VGLL3: variants seen among roughly 807,000 people sequenced by gnomAD.
VGLL3 encodes transcription cofactor vestigial-like protein 3.
A neutral mutation model predicts 29.2 loss-of-function variants in VGLL3; 18 were observed. That is an observed-to-expected ratio of 0.62 (90% CI 0.43 to 0.91). VGLL3 has a LOEUF of 0.91. VGLL3 is among the 40% of genes least tolerant of loss of function. The pLI, the probability that VGLL3 is intolerant of heterozygous loss-of-function variation, is 0.00. For missense variants in VGLL3, 440 were observed against 413.2 expected (o/e 1.06, Z -0.56); for synonymous variants, 180 against 151.8 (o/e 1.19, Z -1.36).
chr3:86,952,083 T>A (rs1444985813), intron 3 of VGLL3, among the ~76,000 whole-genome samples: 5 of 152,136 alleles, frequency 3.3e-5, no homozygotes, highest in African/African-American at 1.2e-4. Flanking sequence ...ACTGGACAGT[T>A]TTTAACTTGG....
At position 86,940,643 on chromosome 3, in the gene VGLL3, T is replaced by G. The variant is rs1704375886; in HGVS notation, c.*6381A>C. 6.6e-6 allele frequency: 1 copy of G among 152,448 alleles called. No homozygotes were observed. The highest frequency in any genetic ancestry group is 6.5e-5 in the Admixed American group (1 of 15,274). 9.4% of individuals were successfully genotyped at this position (152,448 alleles called of 1,614,324 possible). ...TTAAAATACAAACATTCAATTCACATTAAATTATTTATTGAACAAATTGAA... is the reference window on the plus strand; with the variant it reads ...TTAAAATACAAACATTCAATTCACAGTAAATTATTTATTGAACAAATTGAA... On this transcript the variant is annotated 3_prime_UTR_variant, in exon 4 of 4. Coordinates refer to ENST00000398399, the MANE Select transcript of VGLL3 (RefSeq NM_016206.4).
At chr3:86,988,311 T>C (rs1705493776) in intron 1 of VGLL3, among the ~76,000 whole-genome samples, 1 of 152,044 alleles carries the variant, frequency 6.6e-6, no homozygotes, top group African/African-American at 2.4e-5. Context: ...CCAGGCAAGA[T>C]GCTATTAGGG....
In VGLL3 at chr3:86,944,343, TC is replaced by T. The variant is rs1184267197; in HGVS notation, c.*2680del. ...AAGCTGCAAACTCAAACTCCCAGGC[TC>T]AAACGTTCCTCCGGACTCAGCCTCC... is the stretch of plus-strand genomic sequence containing the variant. On this transcript the variant is annotated 3_prime_UTR_variant, in exon 4 of 4. Coordinates refer to ENST00000398399, the MANE Select transcript of VGLL3 (RefSeq NM_016206.4). The T allele has an allele frequency of 6.6e-6, 1 of 152,496 alleles. No homozygotes were observed. The highest frequency in any genetic ancestry group is 2.4e-5 in the African/African-American group (1 of 41,450). 9.4% of individuals were successfully genotyped at this position (152,496 alleles called of 1,614,324 possible). A position where few individuals can be genotyped will look rare whatever the true frequency, so the allele number is the denominator to read the frequency against.
chr3:86,938,926 C>T lies in VGLL3; in HGVS notation c.*8098G>A, dbSNP rs1704332900. 6.6e-6 allele frequency: 1 copy of T among 152,148 alleles called. No individual in the cohort carries two copies. The highest frequency in any genetic ancestry group is 2.1e-4 in the South Asian group (1 of 4,832). 9.4% of individuals were successfully genotyped at this position (152,148 alleles called of 1,614,324 possible). ...TAAGTTCCCAAAAAAGGAAGCAAAA[C>T]AATTAAATCCTACTTGGTTGTCCCC... On this transcript the variant is annotated 3_prime_UTR_variant, in exon 4 of 4. Transcript: ENST00000398399.
At position 86,991,010 on chromosome 3, in the gene VGLL3, G is replaced by T. The variant is rs1705575840; in HGVS notation, c.-267C>A. 3 of 874,456 alleles carry T rather than the reference G, an allele frequency of 3.4e-6. No individual in the cohort carries two copies. The highest frequency in any genetic ancestry group is 1.4e-6 in the Non-Finnish European group (1 of 721,292). 54.2% of individuals were successfully genotyped at this position (874,456 alleles called of 1,614,324 possible). On this transcript the variant is annotated 5_prime_UTR_variant, in exon 1 of 4. Transcript: ENST00000398399. ...CGCGCTTATATAGCGGCTCAGGGAC[G>T]CAGCCGCCCGCTGCGCCGCTGGGGC...
intron 1 of VGLL3, among the ~76,000 whole-genome samples, chr3:86,986,616 G>T (rs1705447663): frequency 6.6e-6 from 1 of 152,106 alleles, no homozygotes; most frequent in African/African-American, 2.4e-5. Context: ...ACAGTTGCAA[G>T]AAAAATAGAT....
At chr3:86,953,218 TCAGA>T (rs1704649585) in intron 3 of VGLL3, among the ~76,000 whole-genome samples, 1 of 152,186 alleles carries the variant, frequency 6.6e-6, no homozygotes, top group Non-Finnish European at 1.5e-5. Context: ...TCACCTATCA[TCAGA>T]CAATTTGCTA....
chr3:86,945,682 A>C lies in VGLL3; in HGVS notation c.*1342T>G, dbSNP rs761807146. The C allele has an allele frequency of 1.4e-4, 21 of 152,308 alleles. No homozygotes were observed. The highest frequency in any genetic ancestry group is 2.6e-4 in the Non-Finnish European group (18 of 68,002). 9.4% of individuals were successfully genotyped at this position (152,308 alleles called of 1,614,324 possible). A position where few individuals can be genotyped will look rare whatever the true frequency, so the allele number is the denominator to read the frequency against. ...AATTTTTAATTTTTAGCCCAATTTA[A>C]ATTGTATATAACCTCTGGTTTTATT... On this transcript the variant is annotated 3_prime_UTR_variant, in exon 4 of 4. Transcript: ENST00000398399.
At chr3:86,975,368 A>G (rs1394080799) in intron 2 of VGLL3, among the ~76,000 whole-genome samples, 1 of 152,202 alleles carries the variant, frequency 6.6e-6, no homozygotes, top group Admixed American at 6.5e-5. Context: ...CAAGTTTTAT[A>G]TATTTATCTA....
At chr3:86,982,961 G>C (rs976111575) in intron 1 of VGLL3, among the ~76,000 whole-genome samples, 1 of 152,156 alleles carries the variant, frequency 6.6e-6, no homozygotes, top group Admixed American at 6.5e-5. Flanking sequence ...GTTCGCTTGG[G>C]CAGTACAGAC....
At chr3:86,952,307 A>T (rs1483688331) in intron 3 of VGLL3, among the ~76,000 whole-genome samples, 2 of 152,218 alleles carry the variant, frequency 1.3e-5, no homozygotes, top group Non-Finnish European at 2.9e-5. Context: ...AAAACGTTAC[A>T]CTAATATACA....
intron 1 of VGLL3, among the ~76,000 whole-genome samples, chr3:86,983,222 A>T (rs1189410917): frequency 6.6e-6 from 1 of 152,222 alleles, no homozygotes; most frequent in African/African-American, 2.4e-5. Context: ...AAACAGATTT[A>T]AAAATAAAAT....
At chr3:86,962,654 G>T (rs1704876980) in intron 3 of VGLL3, 1 of 888,386 alleles carries the variant, frequency 1.1e-6, no homozygotes, top group South Asian at 5.2e-5. Flanking sequence ...AAAAAGTGAG[G>T]TTCTCTTAAC....
intron 3 of VGLL3, among the ~76,000 whole-genome samples, chr3:86,967,709 T>C (rs904073314): frequency 5.3e-5 from 8 of 152,182 alleles, no homozygotes; most frequent in Non-Finnish European, 7.3e-5. Flanking sequence ...GACCCACTAC[T>C]TTGGACTCCA....
At chr3:86,982,464 T>TA (rs1705347129) in intron 1 of VGLL3, among the ~76,000 whole-genome samples, 1 of 151,766 alleles carries the variant, frequency 6.6e-6, no homozygotes, top group South Asian at 2.1e-4. Context: ...TTTTTTTTTT[T>TA]AACTAAGTAT....
rs1403829955 is a variant in VGLL3, at chr3:86,962,202, T to C, written c.937+6388A>G. The C allele has an allele frequency of 7.1e-6, 7 of 985,448 alleles. No individual in the cohort carries two copies. In the East Asian group the frequency reaches 5.7e-4, roughly 80 times the overall value. 61.0% of individuals were successfully genotyped at this position (985,448 alleles called of 1,614,324 possible). Reference sequence around the variant, plus strand: ...GTGGAGGGCAAATACAAATGACTTATGATCATACCATACTGATCATTTCAA... The same window carrying C: ...GTGGAGGGCAAATACAAATGACTTACGATCATACCATACTGATCATTTCAA... On this transcript the variant is annotated intron_variant, in intron 3 of 3. Transcript: ENST00000398399.
chr3:86,980,445 A>T (rs1406832462), intron 1 of VGLL3, among the ~76,000 whole-genome samples: 1 of 152,076 alleles, frequency 6.6e-6, no homozygotes, highest in African/African-American at 2.4e-5. Context: ...TTTTGCTTTT[A>T]TTTAAAATTC....
At chr3:86,958,905 T>C (rs1279354525) in intron 3 of VGLL3, among the ~76,000 whole-genome samples, 1 of 152,212 alleles carries the variant, frequency 6.6e-6, no homozygotes, top group Non-Finnish European at 1.5e-5. Flanking sequence ...GAAAATAGGC[T>C]TATGACATAT....
At position 86,987,472 on chromosome 3, in the gene VGLL3, G is replaced by C. The variant is rs1026773585; in HGVS notation, c.126+3146C>G. Among the ~76,000 whole-genome samples, 4 of 152,228 alleles carry C rather than the reference G, an allele frequency of 2.6e-5. No homozygotes were observed. The South Asian group carries it at 8.3e-4, about 32-fold the overall frequency. The stretch of plus-strand genomic sequence containing the variant: ...TGTTAAAAATCCCCATGCACAATTA[G>C]AAAACCAGTGACTGTTCTCTGTCTC... On this transcript the variant is annotated intron_variant, in intron 1 of 3. Coordinates refer to ENST00000398399, the MANE Select transcript of VGLL3 (RefSeq NM_016206.4).
Sources: allele counts gnomAD v4.1 joint callset (sites outside exome capture counted in the v4.1 genomes callset), GRCh38; gene constraint gnomAD v4.1.1; transcripts MANE v1.5; gene names NCBI Gene and HGNC (gene_info 2026-07-23, HGNC 2026-07-21).